Variants in RARB observed in about 807,000 individuals in gnomAD.
The protein encoded by RARB is retinoic acid receptor beta, also known as HBV-activated protein.
A neutral mutation model predicts 51.9 loss-of-function variants in RARB; 17 were observed. That is an observed-to-expected ratio of 0.33 (90% CI 0.22 to 0.49). The LOEUF is 0.49. RARB is among the 20% of genes least tolerant of loss of function. The pLI, the probability that RARB is intolerant of heterozygous loss-of-function variation, is 0.99. For missense variants in RARB, 369 were observed against 550.8 expected (o/e 0.67, Z 3.30); for synonymous variants, 215 against 195.4 (o/e 1.10, Z -0.84).
intron 3 of RARB, among the ~76,000 whole-genome samples, chr3:25,065,323 A>G (rs989778695): frequency 1.3e-5 from 2 of 152,182 alleles, no homozygotes; most frequent in Non-Finnish European, 2.9e-5. Context: ...TACAAGTGTT[A>G]AAAAACTCGT....
intron 5 of RARB, among the ~76,000 whole-genome samples, chr3:25,244,287 T>TTTTTA (rs1702502130): frequency 6.8e-6 from 1 of 146,840 alleles, no homozygotes; most frequent in African/African-American, 2.5e-5. Flanking sequence ...TTTTTTTTTT[T>TTTTTA]GAAGAGTTTG....
At chr3:25,329,634 C>T (rs1704831353) in intron 5 of RARB, among the ~76,000 whole-genome samples, 1 of 152,118 alleles carries the variant, frequency 6.6e-6, no homozygotes, top group African/African-American at 2.4e-5. Context: ...TGCTCGACAG[C>T]AATGGAACAA....
chr3:25,490,686 G>C (rs1212024173), intron 2 of RARB, among the ~76,000 whole-genome samples: 1 of 151,522 alleles, frequency 6.6e-6, no homozygotes, highest in Non-Finnish European at 1.5e-5. Flanking sequence ...TAGCTGAGCA[G>C]CTATTTTGTT....
chr3:24,939,964 T>A (rs1282983283), intron 2 of RARB, among the ~76,000 whole-genome samples: 1 of 152,234 alleles, frequency 6.6e-6, no homozygotes, highest in Non-Finnish European at 1.5e-5. Context: ...ACGTCACTCA[T>A]TTTGGATAAA....
At chr3:24,926,136 A>G (rs1475898819) in intron 2 of RARB, among the ~76,000 whole-genome samples, 1 of 152,152 alleles carries the variant, frequency 6.6e-6, no homozygotes, top group Non-Finnish European at 1.5e-5. Flanking sequence ...TATGATTTAT[A>G]GGATCCTAAT....
intron 2 of RARB, among the ~76,000 whole-genome samples, chr3:24,959,646 C>T (rs1008500284): frequency 3.9e-5 from 6 of 152,154 alleles, no homozygotes; most frequent in Non-Finnish European, 5.9e-5. Flanking sequence ...TGCCCTTTTC[C>T]GTCTAGAATT....
intron 2 of RARB, among the ~76,000 whole-genome samples, chr3:24,922,765 TAGAA>T (rs563301384): frequency 4.5e-4 from 69 of 152,252 alleles, no homozygotes; most frequent in Non-Finnish European, 8.8e-4. Context: ...CAATTCATAA[TAGAA>T]AGACTAAGTG....
intron 2 of RARB, among the ~76,000 whole-genome samples, chr3:25,487,828 G>A (rs1003916888): frequency 2.6e-5 from 4 of 152,170 alleles, no homozygotes; most frequent in African/African-American, 7.2e-5. Flanking sequence ...AAGGCGTCAT[G>A]CTCTGTTCTA....
rs1173744053 is a variant in RARB at position 24,870,554 on chromosome 3, CT to C, written c.-380+11803del. Among the ~76,000 whole-genome samples, 8 of 152,022 alleles carry C rather than the reference CT, an allele frequency of 5.3e-5. No individual in the cohort carries two copies. In the South Asian group the frequency reaches 1.0e-3, roughly 20 times the overall value. ...CTTGATTTCTGGCAGTTTAAGCCTT[CT>C]ACCTATAGCATTAATTTTTATATCC... On this transcript the variant is annotated intron_variant, in intron 2 of 11. Coordinates refer to the RARB transcript ENST00000383772.
intron 2 of RARB, among the ~76,000 whole-genome samples, chr3:24,955,825 G>C (rs747260143): frequency 6.6e-6 from 1 of 152,076 alleles, no homozygotes; most frequent in East Asian, 1.9e-4. Flanking sequence ...CAGGAATAAA[G>C]GTGGTCGTCT....
rs142658742 is a variant in RARB, at chr3:25,494,250, T to TACACACACACACACAC, written c.307-6930_307-6929insACACACACACACACAC. 5.8e-4 allele frequency among the ~76,000 whole-genome samples: 79 copies of TACACACACACACACAC among 137,166 alleles called. 1 individual carries two copies. The highest frequency in any genetic ancestry group is 2.0e-3 in the African/African-American group (77 of 38,742). The allele number at this position is 137,166 out of a possible 152,430, so 90.0% of individuals were successfully genotyped here. A position where few individuals can be genotyped will look rare whatever the true frequency, so the allele number is the denominator to read the frequency against. ...TTAGCCCCCTTTTCCAGCTGTATCT[T>TACACACACACACACAC]ACGCACACACACACACACACACACA... On this transcript the variant is annotated intron_variant, in intron 2 of 7. Transcript: ENST00000330688.
upstream of RARB, among the ~76,000 whole-genome samples, chr3:25,427,952 G>T (rs568968737): frequency 3.7e-4 from 56 of 152,330 alleles, no homozygotes; most frequent in Admixed American, 2.4e-3. Context: ...AAATAAAAAG[G>T]CGTAAAGGGA....
intron 5 of RARB, among the ~76,000 whole-genome samples, chr3:25,294,165 C>A (rs556658571): frequency 6.6e-6 from 1 of 152,220 alleles, no homozygotes; most frequent in South Asian, 2.1e-4. Context: ...AATCAAAAAA[C>A]CAAAGAGGAC....
chr3:25,564,871 C>T (rs1423845045), intron 3 of RARB, among the ~76,000 whole-genome samples: 1 of 152,048 alleles, frequency 6.6e-6, no homozygotes, highest in Non-Finnish European at 1.5e-5. Flanking sequence ...GTGCATATAC[C>T]AGTCAGTCGC....
chr3:25,434,096 G>A (rs148944255), intron 1 of RARB, among the ~76,000 whole-genome samples: 219 of 152,318 alleles, frequency 1.4e-3, no homozygotes, highest in African/African-American at 4.9e-3. Context: ...ACTGACGTCA[G>A]CAAGGCGACT....
intron 3 of RARB, among the ~76,000 whole-genome samples, chr3:25,075,303 A>C (rs1342400584): frequency 6.6e-6 from 1 of 152,146 alleles, no homozygotes; most frequent in African/African-American, 2.4e-5. Context: ...TCAGTTAATA[A>C]AAATTGTCCT....
chr3:25,086,541 C>T (rs530102714), intron 3 of RARB, among the ~76,000 whole-genome samples: 16 of 152,242 alleles, frequency 1.1e-4, no homozygotes, highest in South Asian at 8.3e-4. Context: ...GTGACCGTGG[C>T]TGGTGACACA....
chr3:25,021,458 T>A (rs1697634710), intron 2 of RARB, among the ~76,000 whole-genome samples: 1 of 152,048 alleles, frequency 6.6e-6, no homozygotes, highest in African/African-American at 2.4e-5. Context: ...AGCCGTAAAC[T>A]CACCAGAACA....
intron 5 of RARB, among the ~76,000 whole-genome samples, chr3:25,262,769 A>G (rs1394958021): frequency 6.6e-6 from 1 of 152,180 alleles, no homozygotes. Flanking sequence ...TATATCCTAT[A>G]ATGAAGCATG....
Sources: gnomAD v4.1 joint callset for allele counts (sites outside exome capture counted in the v4.1 genomes callset) on GRCh38, gnomAD v4.1.1 for gene constraint, MANE v1.5 for transcripts, NCBI Gene and HGNC (gene_info 2026-07-23, HGNC 2026-07-21) for gene names.